The following CDH12 variants were observed in gnomAD, a reference collection of about 807,000 sequenced individuals.
The protein encoded by CDH12 is cadherin 12, also known as cadherin-12.
Under a neutral mutation model 74.1 loss-of-function variants are expected in CDH12, and 41 were observed. The ratio of observed to expected loss-of-function variants is 0.55; its 90% CI spans 0.43 to 0.72. The LOEUF (loss-of-function observed/expected upper bound fraction) is 0.72. CDH12 is among the 30% of genes least tolerant of loss of function. The pLI is 0.00. For missense variants in CDH12, 945 were observed against 977.2 expected, an observed-to-expected ratio of 0.97 and a Z score of 0.44; for synonymous variants, 399 against 355.0, an observed-to-expected ratio of 1.12 and a Z score of -1.39.
chr5:21,888,178 T>C (rs1160190714), intron 6 of CDH12, among the ~76,000 whole-genome samples: 3 of 152,208 alleles, frequency 2.0e-5, no homozygotes, highest in Non-Finnish European at 2.9e-5. Context: ...TCCACTACAC[T>C]GTGTACCAAA....
intron 11 of CDH12, among the ~76,000 whole-genome samples, chr5:21,780,842 A>C (rs910007860): frequency 6.6e-6 from 1 of 152,344 alleles, no homozygotes; most frequent in Non-Finnish European, 1.5e-5. Flanking sequence ...AGCTGTCCCC[A>C]AATTCTGCAT....
At chr5:22,797,497 C>G (rs543877005) in intron 1 of CDH12, among the ~76,000 whole-genome samples, 2 of 152,186 alleles carry the variant, frequency 1.3e-5, no homozygotes, top group African/African-American at 4.8e-5. Flanking sequence ...GCTTCTGACT[C>G]TAGTAACTAA....
chr5:22,850,181 A>G (rs1288861091), intron 1 of CDH12, among the ~76,000 whole-genome samples: 1 of 152,108 alleles, frequency 6.6e-6, no homozygotes, highest in East Asian at 1.9e-4. Flanking sequence ...CATTTTATTA[A>G]TCATCTTATG....
intron 1 of CDH12, among the ~76,000 whole-genome samples, chr5:22,592,765 G>T (rs898329036): frequency 6.7e-6 from 1 of 150,132 alleles, no homozygotes; most frequent in African/African-American, 2.5e-5. Context: ...TGGTGGCCAG[G>T]CATGGTAGCT....
chr5:22,480,653 G>C (rs2551498), intron 2 of CDH12, among the ~76,000 whole-genome samples: 24,042 of 151,264 alleles, frequency 0.16, 1,969 homozygotes, highest in Middle Eastern at 0.2. Flanking sequence ...ATTGCCCAAA[G>C]TGCACAATCT....
At chr5:22,162,706 C>T (rs1403580601) in intron 4 of CDH12, among the ~76,000 whole-genome samples, 1 of 152,106 alleles carries the variant, frequency 6.6e-6, no homozygotes, top group Non-Finnish European at 1.5e-5. Context: ...TAAACACCCA[C>T]ATCCAACTCC....
At chr5:21,878,597 G>A (rs59091740) in intron 6 of CDH12, among the ~76,000 whole-genome samples, 20,369 of 119,100 alleles carry the variant, frequency 0.17, 1,837 homozygotes, top group African/African-American at 0.27. Context: ...AAAAAAATTA[G>A]CCAGGCATGG....
At chr5:22,554,420 G>A (rs995390209) in intron 1 of CDH12, among the ~76,000 whole-genome samples, 1 of 152,224 alleles carries the variant, frequency 6.6e-6, no homozygotes, top group African/African-American at 2.4e-5. Context: ...GTGAGTATAT[G>A]AGAAATGTCT....
Position 22,550,209 on chromosome 5 carries a change from G to T in CDH12, c.-522-44845C>A, listed in dbSNP as rs145497467. ...ACTGTAGTGAAATATTCTAGGACTT[G>T]GTTCTTTGTTTTCTTCTCTACTCTA... On this transcript the variant is annotated intron_variant, in intron 1 of 14. Transcript: ENST00000382254. Among the ~76,000 whole-genome samples, 28 of 151,842 alleles carry T rather than the reference G, an allele frequency of 1.8e-4. No individual in the cohort carries two copies. The East Asian group carries it at 5.5e-3, about 30-fold the overall frequency.
chr5:21,872,055 G>T (rs979300715), intron 6 of CDH12, among the ~76,000 whole-genome samples: 2 of 152,132 alleles, frequency 1.3e-5, no homozygotes, highest in African/African-American at 4.8e-5. Context: ...GACTAGAAAA[G>T]ACATGTCATA....
chr5:22,188,805 T>C (rs567873808), intron 4 of CDH12, among the ~76,000 whole-genome samples: 2 of 152,296 alleles, frequency 1.3e-5, no homozygotes, highest in South Asian at 2.1e-4. Flanking sequence ...ATGGGAGGCA[T>C]GGATTCTGTA....
intron 1 of CDH12, among the ~76,000 whole-genome samples, chr5:22,752,641 C>G (rs4538578): frequency 0.27 from 4,756 of 17,440 alleles, 1,372 homozygotes; most frequent in Middle Eastern, 0.5. Flanking sequence ...GCGAGATCTC[C>G]TCTCACTGCA....
chr5:22,769,058 A>C (rs2127067360), intron 1 of CDH12, among the ~76,000 whole-genome samples: 1 of 152,308 alleles, frequency 6.6e-6, no homozygotes. Context: ...GCACAACTTA[A>C]AGCTTTTTCT....
chr5:21,986,852 A>G (rs1286955831), intron 5 of CDH12, among the ~76,000 whole-genome samples: 1 of 152,118 alleles, frequency 6.6e-6, no homozygotes, highest in African/African-American at 2.4e-5. Context: ...AATATTATAT[A>G]CTATGTTAAA....
intron 6 of CDH12, among the ~76,000 whole-genome samples, chr5:21,910,376 G>T (rs1249502354): frequency 6.6e-6 from 1 of 152,104 alleles, no homozygotes; most frequent in Non-Finnish European, 1.5e-5. Flanking sequence ...TTTCATGTGT[G>T]GTGCCTCATT....
chr5:22,629,248 T>C (rs183971925), intron 1 of CDH12, among the ~76,000 whole-genome samples: 172 of 152,172 alleles, frequency 1.1e-3, no homozygotes, highest in African/African-American at 4.0e-3. Flanking sequence ...TAACTCATTC[T>C]CTGAGGTCAC....
At chr5:22,251,545 G>A (rs1753131306) in intron 3 of CDH12, among the ~76,000 whole-genome samples, 1 of 152,098 alleles carries the variant, frequency 6.6e-6, no homozygotes, top group Non-Finnish European at 1.5e-5. Context: ...TAACTTCTCT[G>A]TGCCTCACTT....
intron 6 of CDH12, among the ~76,000 whole-genome samples, chr5:21,959,782 T>C (rs1269676508): frequency 6.9e-6 from 1 of 145,308 alleles, no homozygotes; most frequent in Non-Finnish European, 1.5e-5. Flanking sequence ...AAAAATTAGC[T>C]GGGCTTGGTG....
chr5:22,357,989 T>C (rs1740635343), intron 3 of CDH12, among the ~76,000 whole-genome samples: 1 of 152,222 alleles, frequency 6.6e-6, no homozygotes, highest in South Asian at 2.1e-4. Flanking sequence ...GTTTTGAATA[T>C]ATGATTAATA....
Sources: allele counts gnomAD v4.1 joint callset (sites outside exome capture counted in the v4.1 genomes callset), GRCh38; gene constraint gnomAD v4.1.1; transcripts MANE v1.5; gene names NCBI Gene and HGNC (gene_info 2026-07-23, HGNC 2026-07-21).